Variants in FAM24B observed in about 807,000 individuals in gnomAD.
The protein encoded by FAM24B is family with sequence similarity 24 member B, also known as protein FAM24B.
Under a neutral mutation model 2.3 loss-of-function variants are expected in FAM24B, and 3 were observed. The observed-to-expected ratio is 1.29, with a 90% CI of 0.59 to 3.32. The LOEUF (loss-of-function observed/expected upper bound fraction) is 3.32, where lower values mean the gene tolerates loss of function less well. FAM24B is among the 30% of genes most tolerant of loss of function. The pLI, the probability that FAM24B is intolerant of heterozygous loss-of-function variation, is 0.03. For synonymous variants in FAM24B, 36 were observed against 46.3 expected, an observed-to-expected ratio of 0.78 and a Z score of 0.90; for missense variants, 98 against 117.2, an observed-to-expected ratio of 0.84 and a Z score of 0.76.
chr10:122,849,809 C>A (rs902759865), intron 3 of FAM24B, among the ~76,000 whole-genome samples: 2 of 152,010 alleles, frequency 1.3e-5, no homozygotes, highest in South Asian at 4.1e-4. Context: ...ATCTGACAAC[C>A]AATCTCTCTG....
chr10:122,872,680 G>A (rs1158461452), intron 1 of FAM24B, among the ~76,000 whole-genome samples: 3 of 151,796 alleles, frequency 2.0e-5, no homozygotes, highest in Non-Finnish European at 2.9e-5. Context: ...GCAAACTATC[G>A]CAAGGACAGA....
intron 1 of FAM24B, among the ~76,000 whole-genome samples, chr10:122,862,874 G>A (rs36212724): frequency 0.015 from 2,243 of 152,098 alleles, 54 homozygotes; most frequent in African/African-American, 0.045. Context: ...GACTGTGTAA[G>A]AATCACCTGT....
chr10:122,879,191 C>T (rs1431574865), intron 1 of FAM24B, among the ~76,000 whole-genome samples: 1 of 152,232 alleles, frequency 6.6e-6, no homozygotes, highest in Non-Finnish European at 1.5e-5. Context: ...GCCGTAGGAT[C>T]AGGGAGCATC....
intron 1 of FAM24B, among the ~76,000 whole-genome samples, chr10:122,870,168 A>G (rs1031698894): frequency 6.6e-5 from 10 of 152,236 alleles, no homozygotes; most frequent in African/African-American, 2.2e-4. Context: ...CTCTATGCAA[A>G]TAAACTAGAA....
intron 1 of FAM24B, among the ~76,000 whole-genome samples, chr10:122,872,623 C>T (rs1473019773): frequency 6.6e-6 from 1 of 152,098 alleles, no homozygotes; most frequent in Non-Finnish European, 1.5e-5. Flanking sequence ...ATGATGAGTT[C>T]ATGTCCTTTG....
intron 1 of FAM24B, among the ~76,000 whole-genome samples, chr10:122,870,050 A>C (rs1302906087): frequency 2.0e-5 from 3 of 151,750 alleles, no homozygotes; most frequent in African/African-American, 7.3e-5. Flanking sequence ...AAGACTAATA[A>C]AGAAGAAAAG....
At chr10:122,867,977 A>G (rs1180733608) in intron 1 of FAM24B, among the ~76,000 whole-genome samples, 1 of 152,226 alleles carries the variant, frequency 6.6e-6, no homozygotes, top group Non-Finnish European at 1.5e-5. Flanking sequence ...AAGGCTTCAG[A>G]AGATCAAACT....
At chr10:122,851,283 A>G (rs1589667507) in intron 2 of FAM24B, among the ~76,000 whole-genome samples, 2 of 152,360 alleles carry the variant, frequency 1.3e-5, no homozygotes, top group East Asian at 3.9e-4. Flanking sequence ...AAAAATTACA[A>G]TCAAAGTAAA....
intron 1 of FAM24B, among the ~76,000 whole-genome samples, chr10:122,866,535 T>C (rs1847806797): frequency 6.6e-6 from 1 of 152,142 alleles, no homozygotes; most frequent in African/African-American, 2.4e-5. Flanking sequence ...CAGTGCCATT[T>C]TTCCAACAGC....
At chr10:122,870,444 G>A (rs1027846532) in intron 1 of FAM24B, among the ~76,000 whole-genome samples, 1 of 152,160 alleles carries the variant, frequency 6.6e-6, no homozygotes, top group African/African-American at 2.4e-5. Context: ...TATGAGGCCA[G>A]CATCATTCTG....
intron 1 of FAM24B, among the ~76,000 whole-genome samples, chr10:122,874,200 G>C (rs1375700393): frequency 6.6e-6 from 1 of 152,152 alleles, no homozygotes; most frequent in Admixed American, 6.5e-5. Flanking sequence ...GTCAATTACT[G>C]ATCCAGGGTT....
intron 1 of FAM24B, among the ~76,000 whole-genome samples, chr10:122,876,563 G>C (rs753723595): frequency 6.6e-6 from 1 of 152,198 alleles, no homozygotes; most frequent in Non-Finnish European, 1.5e-5. Flanking sequence ...TAACTGTCAA[G>C]CTAACTCACA....
chr10:122,863,581 T>C (rs1050293584), intron 1 of FAM24B, among the ~76,000 whole-genome samples: 5 of 152,236 alleles, frequency 3.3e-5, no homozygotes, highest in African/African-American at 7.2e-5. Context: ...AATTCCCATA[T>C]GTCCCTCTCC....
chr10:122,862,174 C>A (rs557217966), intron 1 of FAM24B, among the ~76,000 whole-genome samples: 78 of 152,202 alleles, frequency 5.1e-4, no homozygotes, highest in Non-Finnish European at 8.8e-4. Flanking sequence ...GCTAAAATTT[C>A]CCCTTCTCAA....
At position 122,849,398 on chromosome 10, in the gene FAM24B, T is replaced by C. The variant is rs74163510; in HGVS notation, c.134A>G (p.Asn45Ser). ...CTTGGCCCACCACACCTTGTCTGGG[T>C]TGTGATTTTTTACAGCCACAGCTTC... ...EPEAVAVKNH[N>S]PDKVWWAKNS... The change falls in exon 4 of 4, where the codon AAC becomes AGC. Residue 45 changes from asparagine (N) to serine (S), a missense_variant. Coordinates refer to ENST00000368898, the MANE Select transcript of FAM24B (RefSeq NM_152644.3). 199 of 1,612,070 alleles carry C rather than the reference T, an allele frequency of 1.2e-4. No homozygotes were observed. The African/African-American group carries it at 2.5e-3, about 20-fold the overall frequency.
intron 1 of FAM24B, among the ~76,000 whole-genome samples, chr10:122,869,853 C>A (rs1422874609): frequency 6.6e-6 from 1 of 151,748 alleles, no homozygotes; most frequent in African/African-American, 2.4e-5. Context: ...AAATTGACAC[C>A]CTAACATCAC....
At chr10:122,856,764 T>C (rs919654787) in intron 1 of FAM24B, among the ~76,000 whole-genome samples, 3 of 152,154 alleles carry the variant, frequency 2.0e-5, no homozygotes, top group African/African-American at 4.8e-5. Flanking sequence ...GACAGACCCA[T>C]TGCATGTTGC....
At chr10:122,861,283 C>G (rs1489161436) in intron 1 of FAM24B, among the ~76,000 whole-genome samples, 1 of 152,084 alleles carries the variant, frequency 6.6e-6, no homozygotes, top group African/African-American at 2.4e-5. Flanking sequence ...GAAAATTTTT[C>G]AAAAATCATC....
intron 2 of FAM24B, among the ~76,000 whole-genome samples, chr10:122,850,995 C>T (rs1847525828): frequency 6.6e-6 from 1 of 152,164 alleles, no homozygotes; most frequent in Admixed American, 6.5e-5. Flanking sequence ...ATGACTGTTT[C>T]CAAATGTTAC....
Sources: allele counts gnomAD v4.1 joint callset (sites outside exome capture counted in the v4.1 genomes callset), GRCh38; gene constraint gnomAD v4.1.1; transcripts MANE v1.5; gene names NCBI Gene and HGNC (gene_info 2026-07-23, HGNC 2026-07-21).